ACP3: variants seen among roughly 807,000 people sequenced by gnomAD.
ACP3 encodes the protein acid phosphatase 3.
A neutral mutation model predicts 45.6 loss-of-function variants in ACP3; 38 were observed. That is an observed-to-expected ratio of 0.83 (90% CI 0.64 to 1.09). The LOEUF (loss-of-function observed/expected upper bound fraction) is 1.09. ACP3 is among the 50% of genes least tolerant of loss of function. The pLI, the probability that ACP3 is intolerant of heterozygous loss-of-function variation, is 0.00. For missense variants in ACP3, 466 were observed against 463.2 expected (o/e 1.01, Z -0.05); for synonymous variants, 162 against 164.7 (o/e 0.98, Z 0.13).
chr3:132,319,408 T>C (rs1937166038), intron 1 of ACP3, among the ~76,000 whole-genome samples: 1 of 152,222 alleles, frequency 6.6e-6, no homozygotes, highest in African/African-American at 2.4e-5. Flanking sequence ...CTTACTGCAA[T>C]TGAGTGCTTA....
chr3:132,355,468 C>CATCTTATTTTATTTT (rs1286944157), intron 9 of ACP3, among the ~76,000 whole-genome samples: 2 of 70,148 alleles, frequency 2.9e-5, no homozygotes, highest in African/African-American at 4.3e-5. Context: ...GTTTTATAGA[C>CATCTTATTTTATTTT]ATCTTATTTT....
At chr3:132,365,555 T>C (rs1283442681) in intron 10 of ACP3, among the ~76,000 whole-genome samples, 2 of 152,182 alleles carry the variant, frequency 1.3e-5, no homozygotes, top group African/African-American at 4.8e-5. Context: ...AGACAGATGA[T>C]GTGGATCCTC....
intron 5 of ACP3, among the ~76,000 whole-genome samples, chr3:132,342,113 C>T (rs1937558765): frequency 6.6e-6 from 1 of 152,214 alleles, no homozygotes; most frequent in Admixed American, 6.5e-5. Context: ...ATACTTTACC[C>T]ACTTCTAAAA....
intron 1 of ACP3, among the ~76,000 whole-genome samples, chr3:132,322,650 T>G (rs1937227237): frequency 6.6e-6 from 1 of 152,220 alleles, no homozygotes; most frequent in South Asian, 2.1e-4. Flanking sequence ...CATGATGGTT[T>G]ATGAGACTTC....
chr3:132,346,747 G>A (rs921162995), intron 7 of ACP3, among the ~76,000 whole-genome samples: 2 of 152,146 alleles, frequency 1.3e-5, no homozygotes, highest in Non-Finnish European at 2.9e-5. Context: ...GGTGGAAGCG[G>A]GACTCTTGAT....
chr3:132,330,060 A>G (rs1194868338), intron 2 of ACP3, among the ~76,000 whole-genome samples: 5 of 151,944 alleles, frequency 3.3e-5, no homozygotes, highest in Non-Finnish European at 5.9e-5. Context: ...CTGGAACTAC[A>G]GGAGAGCACC....
Position 132,330,427 on chromosome 3 carries a change from G to T in ACP3, c.217-1220G>T, listed in dbSNP as rs950913909. On this transcript the variant is annotated intron_variant, in intron 2 of 9. Transcript: ENST00000336375. ...CTTCTCAGTAATGTAAATTCTTCAC[G>T]CAATACCCAGTGAACCATAAACTTT... Among the ~76,000 whole-genome samples, 3 of 152,222 alleles carry T rather than the reference G, an allele frequency of 2.0e-5. No individual in the cohort carries two copies. The South Asian group carries it at 6.2e-4, about 32-fold the overall frequency.
intron 4 of ACP3, among the ~76,000 whole-genome samples, chr3:132,334,629 G>A (rs1479836479): frequency 6.6e-6 from 1 of 152,194 alleles, no homozygotes; most frequent in Non-Finnish European, 1.5e-5. Flanking sequence ...AGGGAGGAAG[G>A]AGAGGAAGGC....
intron 10 of ACP3, among the ~76,000 whole-genome samples, chr3:132,366,672 A>G (rs1576433163): frequency 6.6e-6 from 1 of 152,166 alleles, no homozygotes; most frequent in Non-Finnish European, 1.5e-5. Context: ...TAGATATCTA[A>G]AGAAACATAT....
At chr3:132,326,984 T>C (rs780075614) in intron 1 of ACP3, among the ~76,000 whole-genome samples, 7 of 152,220 alleles carry the variant, frequency 4.6e-5, no homozygotes, top group Non-Finnish European at 8.8e-5. Flanking sequence ...AGAAAGCATA[T>C]TAGAATCAAA....
chr3:132,344,913 T>G lies in ACP3; in HGVS notation c.649-14T>G. On this transcript the variant is annotated splice_polypyrimidine_tract_variant and intron_variant, in intron 6 of 9. Coordinates refer to ENST00000336375, the MANE Select transcript of ACP3 (RefSeq NM_001099.5). ...AAATACACATACATTTTTCTTCCTTTTTCTTTGCTACAGAGTGTTCACAAT... is the reference window on the plus strand; with the variant it reads ...AAATACACATACATTTTTCTTCCTTGTTCTTTGCTACAGAGTGTTCACAAT... 6.2e-7 allele frequency: 1 copy of G among 1,612,038 alleles called. No individual in the cohort carries two copies. Among genetic ancestry groups the G allele is most frequent in the Middle Eastern group, 1.7e-4 (1 of 6,044 alleles).
At chr3:132,341,526 C>T (rs1417878755) in intron 5 of ACP3, among the ~76,000 whole-genome samples, 2 of 152,260 alleles carry the variant, frequency 1.3e-5, no homozygotes, top group African/African-American at 2.4e-5. Flanking sequence ...ATTTTACTTA[C>T]ACCTTTTGCA....
chr3:132,317,653 C>G (rs772313852), intron 1 of ACP3, 77 bp downstream of exon 1: 57 of 1,471,628 alleles, frequency 3.9e-5, no homozygotes, highest in Non-Finnish European at 4.9e-5. Flanking sequence ...CGTCAGGTTT[C>G]ATCTTATCCT....
Position 132,322,677 on chromosome 3 carries a change from A to T in ACP3, c.120+5101A>T, listed in dbSNP as rs550722185. On this transcript the variant is annotated intron_variant, in intron 1 of 9. Coordinates refer to ENST00000336375, the MANE Select transcript of ACP3 (RefSeq NM_001099.5). ...TGAGACTTCAATCCAGTCTGGAAGCAGACTCACTGTTCTAGAAGCAAAGGC... is the reference window on the plus strand; with the variant it reads ...TGAGACTTCAATCCAGTCTGGAAGCTGACTCACTGTTCTAGAAGCAAAGGC... Among the ~76,000 whole-genome samples the T allele has an allele frequency of 5.3e-5, 8 of 152,356 alleles. No homozygotes were observed. In the East Asian group the frequency reaches 1.3e-3, roughly 26 times the overall value.
At chr3:132,317,897 C>CT (rs1937138904) in intron 1 of ACP3, among the ~76,000 whole-genome samples, 1 of 152,238 alleles carries the variant, frequency 6.6e-6, no homozygotes, top group Admixed American at 6.5e-5. Flanking sequence ...GAAACCACAG[C>CT]TGGCGCTGTT....
chr3:132,321,164 C>G (rs1417167770), intron 1 of ACP3, among the ~76,000 whole-genome samples: 2 of 151,968 alleles, frequency 1.3e-5, no homozygotes, highest in Admixed American at 1.3e-4. Context: ...AACCCTGTCG[C>G]TTGGGTTGGC....
chr3:132,352,656 A>C (rs1937777017), intron 8 of ACP3, 64 bp from the exon 9 acceptor site: 1 of 1,096,242 alleles, frequency 9.1e-7, no homozygotes, highest in East Asian at 2.4e-5. Context: ...GGTGCTGTAC[A>C]AGTGCTTCAT....
Position 132,358,329 on chromosome 3 carries a change from A to G in ACP3, c.*1451A>G. ...GTTCAAAACTTATTGGAATGTTGAG[A>G]GTGTGGTTACGAAATACGTTAGGAG... On this transcript the variant is annotated 3_prime_UTR_variant, in exon 10 of 10. Transcript: ENST00000336375. The G allele has an allele frequency of 3.6e-6, 4 of 1,112,274 alleles. No individual in the cohort carries two copies. Among genetic ancestry groups the G allele is most frequent in the Non-Finnish European group, 4.5e-6 (4 of 892,926 alleles). 68.9% of individuals were successfully genotyped at this position (1,112,274 alleles called of 1,614,324 possible).
chr3:132,324,448 G>A (rs1031445018), intron 1 of ACP3, among the ~76,000 whole-genome samples: 7 of 151,862 alleles, frequency 4.6e-5, no homozygotes, highest in Non-Finnish European at 1.0e-4. Flanking sequence ...GGAAACAGTG[G>A]GCCAACTATC....
Sources: allele counts gnomAD v4.1 joint callset (sites outside exome capture counted in the v4.1 genomes callset), GRCh38; gene constraint gnomAD v4.1.1; transcripts MANE v1.5; gene names NCBI Gene and HGNC (gene_info 2026-07-23, HGNC 2026-07-21).